CNTN4: variants seen among roughly 807,000 people sequenced by gnomAD.
The protein encoded by CNTN4 is contactin-4.
CNTN4 carries 77 observed loss-of-function variants against 122.5 expected under a neutral mutation model. The observed-to-expected ratio is 0.63, with a 90% CI of 0.52 to 0.76. CNTN4 has a LOEUF of 0.76. CNTN4 is among the 30% of genes least tolerant of loss of function. The probability of loss-of-function intolerance (pLI) is 0.00; values close to 1 mark genes in which losing one functional copy is unlikely to be tolerated. For missense variants in CNTN4, 1,256 were observed against 1,259.1 expected (o/e 1.00, Z 0.04); for synonymous variants, 512 against 447.0 (o/e 1.15, Z -1.83).
chr3:2,658,368 T>C (rs1482054165), intron 4 of CNTN4, among the ~76,000 whole-genome samples: 2 of 152,036 alleles, frequency 1.3e-5, no homozygotes, highest in African/African-American at 4.8e-5. Context: ...TTCATGGCCA[T>C]GGGACAGACA....
At chr3:2,425,904 T>C (rs1416475839) in intron 3 of CNTN4, among the ~76,000 whole-genome samples, 1 of 152,342 alleles carries the variant, frequency 6.6e-6, no homozygotes, top group East Asian at 1.9e-4. Flanking sequence ...TAGTGATTTT[T>C]GCACATTGAT....
rs76076133 is a variant in CNTN4 at position 2,398,775 on chromosome 3, A to G, written c.-89+59542A>G. Among the ~76,000 whole-genome samples, 628 of 152,284 alleles carry G rather than the reference A, an allele frequency of 4.1e-3. 6 individuals are homozygous for G. Among genetic ancestry groups the G allele is most frequent in the African/African-American group, 0.015 (616 of 41,566 alleles). On this transcript the variant is annotated intron_variant, in intron 3 of 24. Transcript: ENST00000418658. Reference sequence around the variant, plus strand: ...TTCCCTGAAACACTTGGAAATGATCACTGATCTGGACTTGATCCCAAATGA... The same window carrying G: ...TTCCCTGAAACACTTGGAAATGATCGCTGATCTGGACTTGATCCCAAATGA...
At chr3:2,940,671 G>T (rs1458574004) in intron 13 of CNTN4, among the ~76,000 whole-genome samples, 1 of 152,148 alleles carries the variant, frequency 6.6e-6, no homozygotes, top group Non-Finnish European at 1.5e-5. Context: ...TGTGGGAAAT[G>T]ATGAGGAACC....
chr3:2,582,635 C>G (rs932866354), intron 4 of CNTN4, among the ~76,000 whole-genome samples: 4 of 152,124 alleles, frequency 2.6e-5, no homozygotes, highest in African/African-American at 9.7e-5. Flanking sequence ...TGGATTCCAC[C>G]CCAAGAGCAG....
At chr3:2,423,344 T>C (rs941064471) in intron 3 of CNTN4, among the ~76,000 whole-genome samples, 1 of 152,230 alleles carries the variant, frequency 6.6e-6, no homozygotes, top group Non-Finnish European at 1.5e-5. Flanking sequence ...AAAGCTCAGA[T>C]GCACAAACAT....
intron 13 of CNTN4, among the ~76,000 whole-genome samples, chr3:2,964,736 A>T (rs562146004): frequency 2.1e-4 from 32 of 152,318 alleles, no homozygotes; most frequent in African/African-American, 7.5e-4. Flanking sequence ...TTGTAAATTA[A>T]TTTTTAAAAA....
At chr3:2,189,314 T>A (rs1283744689) in intron 2 of CNTN4, among the ~76,000 whole-genome samples, 1 of 152,144 alleles carries the variant, frequency 6.6e-6, no homozygotes, top group Non-Finnish European at 1.5e-5. Context: ...CCTTCACCGA[T>A]GCCTGCCGCT....
At chr3:2,624,387 G>A (rs2082103184) in intron 4 of CNTN4, among the ~76,000 whole-genome samples, 1 of 151,960 alleles carries the variant, frequency 6.6e-6, no homozygotes, top group African/African-American at 2.4e-5. Context: ...TTTCTACTTT[G>A]ATATATTCAG....
At chr3:2,972,943 T>C (rs1475718342) in intron 13 of CNTN4, among the ~76,000 whole-genome samples, 1 of 151,928 alleles carries the variant, frequency 6.6e-6, no homozygotes, top group Non-Finnish European at 1.5e-5. Flanking sequence ...TCTTTTTCGG[T>C]CATCAACTTC....
At chr3:2,975,309 A>C (rs1176099566) in intron 13 of CNTN4, among the ~76,000 whole-genome samples, 1 of 152,182 alleles carries the variant, frequency 6.6e-6, no homozygotes, top group Admixed American at 6.5e-5. Context: ...TACACCCTCC[A>C]ACACTGCAGG....
intron 3 of CNTN4, among the ~76,000 whole-genome samples, chr3:2,421,150 A>G (rs1182663836): frequency 1.3e-5 from 2 of 151,784 alleles, no homozygotes; most frequent in East Asian, 3.9e-4. Context: ...GCCCTCCCCC[A>G]TCACCTTAAT....
At chr3:2,727,822 C>G (rs2088344135) in intron 4 of CNTN4, among the ~76,000 whole-genome samples, 10 of 152,154 alleles carry the variant, frequency 6.6e-5, no homozygotes, top group Admixed American at 3.3e-4. Context: ...AGACATACAC[C>G]AGCTGTCGGT....
At position 2,964,514 on chromosome 3, in the gene CNTN4, A is replaced by G. The variant is rs377447048; in HGVS notation, c.1359-23831A>G. ...AGTGTTTCTCTGACTTTGGGAGCAT[A>G]TAAATCACCTAAGAACCTTAATAAA... On this transcript the variant is annotated intron_variant, in intron 13 of 24. Coordinates refer to ENST00000418658, the MANE Select transcript of CNTN4 (RefSeq NM_175607.3). 5.4e-4 allele frequency among the ~76,000 whole-genome samples: 82 copies of G among 152,292 alleles called. No individual in the cohort carries two copies. In the East Asian group the frequency reaches 0.012, roughly 23 times the overall value.
chr3:2,776,685 C>G (rs1416191170), intron 6 of CNTN4, among the ~76,000 whole-genome samples: 5 of 152,122 alleles, frequency 3.3e-5, no homozygotes, highest in Non-Finnish European at 7.4e-5. Flanking sequence ...CAGCACAGAG[C>G]TTGTTATTAA....
Position 2,657,695 on chromosome 3 carries a change from T to C in CNTN4, c.56-78520T>C, listed in dbSNP as rs565442319. On this transcript the variant is annotated intron_variant, in intron 4 of 24. Transcript: ENST00000418658. ...TGCATCGGATGTGTATGTTTATGGCTCTGTGGTTTGGGTAGAGATAGATAT... is the reference window on the plus strand; with the variant it reads ...TGCATCGGATGTGTATGTTTATGGCCCTGTGGTTTGGGTAGAGATAGATAT... 2.0e-5 allele frequency among the ~76,000 whole-genome samples: 3 copies of C among 152,232 alleles called. No homozygotes were observed. In the South Asian group the frequency reaches 6.2e-4, roughly 32 times the overall value.
chr3:2,960,693 A>G (rs1577408600), intron 13 of CNTN4, among the ~76,000 whole-genome samples: 1 of 152,168 alleles, frequency 6.6e-6, no homozygotes, highest in African/African-American at 2.4e-5. Context: ...TAAATTATAC[A>G]TTAAATGTGT....
In CNTN4 at chr3:3,034,661, A is replaced by G; in HGVS notation, c.1813A>G (p.Ile605Val). The G allele has an allele frequency of 6.2e-7, 1 of 1,614,088 alleles. No homozygotes were observed. ...GPPGPPEAVT[I>V]DEITDTTAQL... ...TCCAGGTCCCCCAGAGGCTGTGACAATAGACGAAATCACAGATACCACTGC... is the reference window on the plus strand; with the variant it reads ...TCCAGGTCCCCCAGAGGCTGTGACAGTAGACGAAATCACAGATACCACTGC... The change falls in exon 17 of 25, where the codon ATA (isoleucine) becomes GTA (valine). Residue 605 changes from isoleucine to valine, a missense_variant. Ile to Val is a conservative substitution (Grantham distance 29). Coordinates refer to ENST00000418658, the MANE Select transcript of CNTN4 (RefSeq NM_175607.3).
At position 2,138,615 on chromosome 3, in the gene CNTN4, G is replaced by A. The variant is rs143343759; in HGVS notation, c.-145+37976G>A. Among the ~76,000 whole-genome samples the A allele has an allele frequency of 3.1e-3, 478 of 152,236 alleles. 3 individuals are homozygous for A. The highest frequency in any genetic ancestry group is 0.011 in the African/African-American group (458 of 41,544). Reference sequence around the variant, plus strand: ...AGGGCATGAATAGAACAAAAATACCGAAGGGGAAAAATTAAGAATTTGTCC... The same window carrying A: ...AGGGCATGAATAGAACAAAAATACCAAAGGGGAAAAATTAAGAATTTGTCC... On this transcript the variant is annotated intron_variant, in intron 2 of 24. Coordinates refer to ENST00000418658, the MANE Select transcript of CNTN4 (RefSeq NM_175607.3).
At chr3:2,618,503 T>C (rs907815719) in intron 4 of CNTN4, among the ~76,000 whole-genome samples, 1 of 152,164 alleles carries the variant, frequency 6.6e-6, no homozygotes, top group African/African-American at 2.4e-5. Flanking sequence ...CATATGTACA[T>C]GTATATACAC....
Sources: allele counts gnomAD v4.1 joint callset (sites outside exome capture counted in the v4.1 genomes callset), GRCh38; gene constraint gnomAD v4.1.1; transcripts MANE v1.5; gene names NCBI Gene and HGNC (gene_info 2026-07-23, HGNC 2026-07-21).